Variants in ADK observed in about 807,000 individuals in gnomAD.
The protein encoded by ADK is adenosine kinase, also known as N6,N6-dimethyladenosine kinase.
A neutral mutation model predicts 44.7 loss-of-function variants in ADK; 24 were observed. The ratio of observed to expected loss-of-function variants is 0.54; its 90% CI spans 0.39 to 0.76. The LOEUF (loss-of-function observed/expected upper bound fraction) is 0.76, where lower values mean the gene tolerates loss of function less well. ADK is among the 30% of genes least tolerant of loss of function. ADK has a pLI of 0.00. For missense variants in ADK, 321 were observed against 425.1 expected (o/e 0.76, Z 2.15); for synonymous variants, 128 against 142.6 (o/e 0.90, Z 0.73).
intron 4 of ADK, among the ~76,000 whole-genome samples, chr10:74,376,085 C>T (rs1036486927): frequency 6.6e-6 from 1 of 151,688 alleles, no homozygotes; most frequent in African/African-American, 2.4e-5. Context: ...TACTTGGATC[C>T]GTGTTTGAAC....
chr10:74,426,751 A>T (rs1844809657), intron 6 of ADK, among the ~76,000 whole-genome samples: 1 of 152,196 alleles, frequency 6.6e-6, no homozygotes, highest in South Asian at 2.1e-4. Flanking sequence ...ACAGGGACCT[A>T]AAATTGTAAA....
chr10:74,569,639 A>G (rs1374296817), intron 7 of ADK, among the ~76,000 whole-genome samples: 1 of 152,054 alleles, frequency 6.6e-6, no homozygotes, highest in Non-Finnish European at 1.5e-5. Context: ...TTTCTTGTGA[A>G]TTTGTTGGAG....
intron 3 of ADK, among the ~76,000 whole-genome samples, chr10:74,269,149 T>C (rs944221347): frequency 4.6e-5 from 7 of 152,212 alleles, no homozygotes; most frequent in South Asian, 2.1e-4. Context: ...ATAATTTTTT[T>C]CCCCACCAAC....
chr10:74,451,454 T>C (rs1426866151), intron 6 of ADK, among the ~76,000 whole-genome samples: 1 of 152,126 alleles, frequency 6.6e-6, no homozygotes, highest in African/African-American at 2.4e-5. Context: ...TGGTAGCCCG[T>C]ATTAAATGAT....
At chr10:74,445,393 T>C (rs1286344184) in intron 6 of ADK, among the ~76,000 whole-genome samples, 1 of 152,020 alleles carries the variant, frequency 6.6e-6, no homozygotes, top group Non-Finnish European at 1.5e-5. Flanking sequence ...GTGGCAATTA[T>C]TATATCATTT....
At chr10:74,527,949 G>A (rs1270839454) in intron 7 of ADK, 2 of 774,810 alleles carry the variant, frequency 2.6e-6, no homozygotes, top group African/African-American at 3.5e-5. Flanking sequence ...GTGGCCTTTG[G>A]ATGAGAAGGG....
chr10:74,571,853 T>G (rs1850976348), intron 7 of ADK, among the ~76,000 whole-genome samples: 1 of 152,202 alleles, frequency 6.6e-6, no homozygotes, highest in Admixed American at 6.5e-5. Context: ...CTCTTGCTTT[T>G]CTAGTTCTTT....
chr10:74,268,795 G>T (rs1029632806), intron 3 of ADK, among the ~76,000 whole-genome samples: 3 of 152,146 alleles, frequency 2.0e-5, no homozygotes, highest in Non-Finnish European at 4.4e-5. Flanking sequence ...TGACTTGCCA[G>T]TATTTTTATC....
intron 6 of ADK, among the ~76,000 whole-genome samples, chr10:74,523,363 C>T (rs946123235): frequency 3.9e-5 from 6 of 152,158 alleles, no homozygotes; most frequent in Non-Finnish European, 8.8e-5. Context: ...AATCTTATGA[C>T]TTTTACTCAT....
intron 3 of ADK, among the ~76,000 whole-genome samples, chr10:74,239,232 G>A (rs1477657138): frequency 1.3e-5 from 2 of 151,014 alleles, no homozygotes; most frequent in Admixed American, 6.6e-5. Flanking sequence ...AGTTATAATC[G>A]AATGTAACTA....
chr10:74,183,935 G>A (rs544174571), intron 1 of ADK, among the ~76,000 whole-genome samples: 28 of 148,344 alleles, frequency 1.9e-4, no homozygotes, highest in Non-Finnish European at 3.9e-4. Flanking sequence ...TATTTTATTC[G>A]AGACAGAGTC....
chr10:74,314,862 T>C, intron 4 of ADK, 117 bp downstream of exon 4: 1 of 817,526 alleles, frequency 1.2e-6, no homozygotes. Context: ...TTCATTTGAA[T>C]TGGGATTTTA....
At chr10:74,303,705 C>T (rs565319453) in intron 3 of ADK, among the ~76,000 whole-genome samples, 9 of 144,690 alleles carry the variant, frequency 6.2e-5, no homozygotes, top group Non-Finnish European at 1.2e-4. Flanking sequence ...CAGTGGCTAA[C>T]GCCTGTAATC....
chr10:74,163,430 T>C (rs1292555090), intron 1 of ADK, among the ~76,000 whole-genome samples: 1 of 152,216 alleles, frequency 6.6e-6, no homozygotes, highest in Non-Finnish European at 1.5e-5. Context: ...CTTTTCTCTG[T>C]GTTAGCAAGC....
chr10:74,249,643 T>C (rs1028439463), intron 3 of ADK, among the ~76,000 whole-genome samples: 2 of 152,192 alleles, frequency 1.3e-5, no homozygotes, highest in Non-Finnish European at 2.9e-5. Flanking sequence ...CAATAAATAC[T>C]GATTGATAGA....
rs564374418 is a variant in ADK, at chr10:74,545,243, T to C, written c.726+19817T>C. ...TTTCTAAAAAGAATGTTAACATTGC[T>C]GTTACATAGTCAGTTACTGATCACA... On this transcript the variant is annotated intron_variant, in intron 7 of 10. Coordinates refer to ENST00000539909, the MANE Select transcript of ADK (RefSeq NM_006721.4). Among the ~76,000 whole-genome samples the C allele has an allele frequency of 2.6e-4, 39 of 152,348 alleles. No homozygotes were observed. The South Asian group carries it at 7.7e-3, about 30-fold the overall frequency.
intron 6 of ADK, among the ~76,000 whole-genome samples, chr10:74,488,926 C>G (rs939662110): frequency 1.3e-5 from 2 of 151,908 alleles, no homozygotes; most frequent in African/African-American, 4.8e-5. Context: ...ATCTGTGCCT[C>G]ATTCTCCTCA....
At chr10:74,633,227 T>C (rs2134069331) in intron 9 of ADK, among the ~76,000 whole-genome samples, 2 of 152,330 alleles carry the variant, frequency 1.3e-5, no homozygotes, top group African/African-American at 4.8e-5. Flanking sequence ...GAACCAATGC[T>C]TCCACTGAAT....
chr10:74,408,646 C>A (rs1021467149), intron 6 of ADK, among the ~76,000 whole-genome samples: 1 of 152,000 alleles, frequency 6.6e-6, no homozygotes, highest in African/African-American at 2.4e-5. Flanking sequence ...TAATTGGAAG[C>A]CTTACTGATA....
Sources: allele counts gnomAD v4.1 joint callset (sites outside exome capture counted in the v4.1 genomes callset), GRCh38; gene constraint gnomAD v4.1.1; transcripts MANE v1.5; gene names NCBI Gene and HGNC (gene_info 2026-07-23, HGNC 2026-07-21).